Variants in IMMP1L observed in about 807,000 individuals in gnomAD.
IMMP1L encodes the protein inner mitochondrial membrane peptidase subunit 1.
A neutral mutation model predicts 21.8 loss-of-function variants in IMMP1L; 24 were observed. The ratio of observed to expected loss-of-function variants is 1.10; its 90% CI spans 0.80 to 1.55. The LOEUF (loss-of-function observed/expected upper bound fraction) is 1.55. IMMP1L is among the 40% of genes most tolerant of loss of function. The pLI is 0.00. For synonymous variants in IMMP1L, 46 were observed against 62.8 expected (o/e 0.73, Z 1.26); for missense variants, 195 against 200.7 (o/e 0.97, Z 0.17).
intron 1 of IMMP1L, among the ~76,000 whole-genome samples, chr11:31,498,205 A>T (rs934328971): frequency 6.6e-6 from 1 of 152,224 alleles, no homozygotes; most frequent in Non-Finnish European, 1.5e-5. Context: ...AAAAATTGTA[A>T]TACCAAATGA....
intron 1 of IMMP1L, among the ~76,000 whole-genome samples, chr11:31,463,845 T>C (rs977457483): frequency 5.9e-5 from 9 of 152,158 alleles, no homozygotes; most frequent in African/African-American, 2.2e-4. Flanking sequence ...TTCAGCAATG[T>C]ATGTCAAAGT....
At chr11:31,452,021 T>C (rs1487504963) in intron 4 of IMMP1L, among the ~76,000 whole-genome samples, 1 of 151,968 alleles carries the variant, frequency 6.6e-6, no homozygotes, top group Non-Finnish European at 1.5e-5. Context: ...GGACTGAGAG[T>C]TGATCACTGG....
chr11:31,455,179 G>A lies in IMMP1L; in HGVS notation c.321+1081C>T, dbSNP rs1473122650. Among the ~76,000 whole-genome samples the A allele has an allele frequency of 2.0e-5, 3 of 152,110 alleles. No homozygotes were observed. The East Asian group carries it at 5.8e-4, about 29-fold the overall frequency. The stretch of plus-strand genomic sequence containing the variant: ...TATTTAAAAGTCAAACTTACTTATA[G>A]GGCAACCAGAGGCTATTACGGTTCA... On this transcript the variant is annotated intron_variant, in intron 4 of 5. Transcript: ENST00000532287.
intron 1 of IMMP1L, among the ~76,000 whole-genome samples, chr11:31,482,198 A>G (rs887233990): frequency 4.6e-5 from 7 of 152,220 alleles, no homozygotes; most frequent in Middle Eastern, 3.4e-3. Context: ...GTCCAAAAGC[A>G]CTGCAAAACT....
intron 4 of IMMP1L, among the ~76,000 whole-genome samples, chr11:31,447,568 A>T (rs1040345195): frequency 4.6e-5 from 7 of 152,218 alleles, no homozygotes; most frequent in African/African-American, 1.7e-4. Context: ...TTTGTTAAAT[A>T]CTGCTTAGTC....
chr11:31,507,215 G>A (rs1393665699), intron 1 of IMMP1L, among the ~76,000 whole-genome samples: 2 of 151,912 alleles, frequency 1.3e-5, no homozygotes, highest in Non-Finnish European at 2.9e-5. Flanking sequence ...GGAAGGCACA[G>A]CTTGCAGTGA....
chr11:31,500,770 T>C (rs938966872), intron 1 of IMMP1L, among the ~76,000 whole-genome samples: 10 of 152,158 alleles, frequency 6.6e-5, no homozygotes, highest in Non-Finnish European at 1.3e-4. Context: ...GCAGACTCTG[T>C]TTTAGCCAAT....
chr11:31,482,916 T>C (rs1450395285), intron 1 of IMMP1L, among the ~76,000 whole-genome samples: 1 of 151,966 alleles, frequency 6.6e-6, no homozygotes, highest in East Asian at 1.9e-4. Context: ...TAGCATTATA[T>C]AGAAACTACG....
intron 4 of IMMP1L, among the ~76,000 whole-genome samples, chr11:31,447,635 C>T (rs1004587330): frequency 6.6e-6 from 1 of 152,134 alleles, no homozygotes; most frequent in African/African-American, 2.4e-5. Flanking sequence ...CTAGCTGTGC[C>T]ATGCTAAGTG....
At chr11:31,454,146 A>G (rs1953854970) in intron 4 of IMMP1L, among the ~76,000 whole-genome samples, 1 of 152,220 alleles carries the variant, frequency 6.6e-6, no homozygotes, top group African/African-American at 2.4e-5. Context: ...AGAATGATGT[A>G]CTGTATACTT....
At chr11:31,455,196 T>C (rs867322457) in intron 4 of IMMP1L, among the ~76,000 whole-genome samples, 2 of 152,228 alleles carry the variant, frequency 1.3e-5, no homozygotes, top group African/African-American at 4.8e-5. Flanking sequence ...CAGAGGCTAT[T>C]ACGGTTCAAA....
chr11:31,497,909 T>G (rs987552155), intron 1 of IMMP1L, among the ~76,000 whole-genome samples: 30 of 152,334 alleles, frequency 2.0e-4, no homozygotes, highest in Non-Finnish European at 3.1e-4. Context: ...TACACAAATT[T>G]TTTTAAAGGG....
intron 4 of IMMP1L, among the ~76,000 whole-genome samples, chr11:31,440,256 C>T (rs1564967486): frequency 6.6e-6 from 1 of 152,164 alleles, no homozygotes; most frequent in Non-Finnish European, 1.5e-5. Context: ...TTCATACTGC[C>T]TGCTATGCAA....
intron 1 of IMMP1L, among the ~76,000 whole-genome samples, chr11:31,491,149 AT>A (rs1308894407): frequency 1.3e-5 from 2 of 152,212 alleles, no homozygotes; most frequent in African/African-American, 2.4e-5. Context: ...ACTAACATAG[AT>A]TTTCATACCA....
intron 1 of IMMP1L, among the ~76,000 whole-genome samples, chr11:31,476,190 TAATAA>T (rs1357478312): frequency 6.6e-6 from 1 of 152,062 alleles, no homozygotes; most frequent in Admixed American, 6.5e-5. Context: ...TTTTTCATCA[TAATAA>T]AATAAAAATT....
At chr11:31,481,201 T>C (rs1324206596) in intron 1 of IMMP1L, among the ~76,000 whole-genome samples, 1 of 152,138 alleles carries the variant, frequency 6.6e-6, no homozygotes, top group African/African-American at 2.4e-5. Flanking sequence ...CTGTTTGTGC[T>C]GCTAAGCTTG....
chr11:31,460,294 GTA>G (rs1439073517), intron 3 of IMMP1L, among the ~76,000 whole-genome samples: 1 of 152,206 alleles, frequency 6.6e-6, no homozygotes, highest in Non-Finnish European at 1.5e-5. Flanking sequence ...ATTTGGATCT[GTA>G]ATGTAATCCC....
At chr11:31,456,819 C>T (rs542177921) in intron 3 of IMMP1L, among the ~76,000 whole-genome samples, 8 of 125,702 alleles carry the variant, frequency 6.4e-5, no homozygotes, top group South Asian at 5.5e-4. Flanking sequence ...CAGGAGTTCA[C>T]GGTTGCAGTG....
intron 1 of IMMP1L, among the ~76,000 whole-genome samples, chr11:31,479,919 T>C (rs1954838380): frequency 6.6e-6 from 1 of 152,006 alleles, no homozygotes; most frequent in South Asian, 2.1e-4. Flanking sequence ...AATCCTGTCA[T>C]TTTAGCTTCT....
Sources: gnomAD v4.1 joint callset for allele counts (sites outside exome capture counted in the v4.1 genomes callset) on GRCh38, gnomAD v4.1.1 for gene constraint, MANE v1.5 for transcripts, NCBI Gene and HGNC (gene_info 2026-07-23, HGNC 2026-07-21) for gene names.